PDE7B: variants seen among roughly 807,000 people sequenced by gnomAD.
The protein encoded by PDE7B is 3',5'-cyclic-AMP phosphodiesterase 7B.
In PDE7B, 29 loss-of-function variants were observed where a neutral mutation model predicts 56.2. That is an observed-to-expected ratio of 0.52 (90% CI 0.38 to 0.70). The LOEUF (loss-of-function observed/expected upper bound fraction) is 0.70, where lower values mean the gene tolerates loss of function less well. Ranked by LOEUF, PDE7B falls within the 30% of genes least tolerant of loss-of-function variation. PDE7B has a pLI of 0.00. For synonymous variants in PDE7B, 197 were observed against 196.9 expected (o/e 1.00, Z 0.00); for missense variants, 490 against 565.0 (o/e 0.87, Z 1.35).
intron 2 of PDE7B, among the ~76,000 whole-genome samples, chr6:136,041,991 ATTAC>A (rs1318665748): frequency 6.6e-6 from 1 of 152,198 alleles, no homozygotes; most frequent in Non-Finnish European, 1.5e-5. Context: ...GGCTTTATTG[ATTAC>A]ATGTAGATGG....
At chr6:136,166,994 C>G (rs181182117) in intron 8 of PDE7B, among the ~76,000 whole-genome samples, 7 of 152,200 alleles carry the variant, frequency 4.6e-5, no homozygotes, top group Non-Finnish European at 8.8e-5. Flanking sequence ...TCCCCTCTCT[C>G]GCTGTGCATT....
At chr6:135,911,811 C>CA (rs1321934097) in intron 1 of PDE7B, among the ~76,000 whole-genome samples, 1 of 151,830 alleles carries the variant, frequency 6.6e-6, no homozygotes, top group Admixed American at 6.6e-5. Context: ...AGAGCTAGTA[C>CA]AAAAAAAGTA....
chr6:135,898,386 T>A (rs1211214085), intron 1 of PDE7B, among the ~76,000 whole-genome samples: 1 of 152,158 alleles, frequency 6.6e-6, no homozygotes. Context: ...TTTATAAAAG[T>A]ACCTGTGAAA....
At chr6:136,085,577 G>A (rs1157884870) in intron 2 of PDE7B, among the ~76,000 whole-genome samples, 4 of 152,130 alleles carry the variant, frequency 2.6e-5, no homozygotes, top group African/African-American at 7.2e-5. Flanking sequence ...TTTGGTTGAT[G>A]GAATCAGTTA....
At chr6:136,095,225 C>G (rs533239637) in intron 2 of PDE7B, among the ~76,000 whole-genome samples, 9 of 152,206 alleles carry the variant, frequency 5.9e-5, no homozygotes, top group Non-Finnish European at 1.0e-4. Flanking sequence ...AAATAATGTT[C>G]TTCCCTTTAA....
At chr6:136,038,360 C>CT (rs1444752541) in intron 2 of PDE7B, 2 of 1,291,834 alleles carry the variant, frequency 1.5e-6, no homozygotes, top group Non-Finnish European at 2.0e-6. Context: ...AGAAGGTGTG[C>CT]TGCCCTCCTC....
At chr6:136,150,451 T>C (rs4896200) in intron 5 of PDE7B, among the ~76,000 whole-genome samples, 60,509 of 151,968 alleles carry the variant, frequency 0.4, 12,542 homozygotes, top group East Asian at 0.54. Context: ...CCCAGCACCA[T>C]TTATTGAAGA....
intron 2 of PDE7B, among the ~76,000 whole-genome samples, chr6:136,013,427 A>T (rs1775925871): frequency 6.6e-6 from 1 of 152,194 alleles, no homozygotes; most frequent in African/African-American, 2.4e-5. Context: ...AGCAGTCCTG[A>T]TCCAAAGTGT....
intron 2 of PDE7B, among the ~76,000 whole-genome samples, chr6:136,009,222 GT>G (rs1167730528): frequency 5.8e-4 from 88 of 151,976 alleles, no homozygotes; most frequent in African/African-American, 1.9e-3. Flanking sequence ...GTACCATGCT[GT>G]TTTGGTTACT....
intron 2 of PDE7B, among the ~76,000 whole-genome samples, chr6:135,954,879 G>C (rs139637156): frequency 2.6e-5 from 4 of 152,142 alleles, no homozygotes; most frequent in African/African-American, 9.7e-5. Flanking sequence ...CATTTCCACA[G>C]CAACAGAACA....
At chr6:136,188,291 A>G (rs1025464341) in intron 12 of PDE7B, among the ~76,000 whole-genome samples, 5 of 151,928 alleles carry the variant, frequency 3.3e-5, no homozygotes, top group African/African-American at 9.7e-5. Context: ...TGTCCTTAAT[A>G]TTGTTATGTA....
rs577328990 is a variant in PDE7B, at chr6:136,128,560, CCCA to C, written c.167-18788_167-18786del. Among the ~76,000 whole-genome samples, 121 of 152,078 alleles carry C rather than the reference CCCA, an allele frequency of 8.0e-4. 2 individuals carry two copies. The highest frequency in any genetic ancestry group is 2.7e-3 in the African/African-American group (114 of 41,480). ...ATTTTGTTGTGAGAACTGGGACCCCCCCACCCCTGGGCAAAATTACCAAGTGGA... is the reference window on the plus strand; with the variant it reads ...ATTTTGTTGTGAGAACTGGGACCCCCCCCCTGGGCAAAATTACCAAGTGGA... On this transcript the variant is annotated intron_variant, in intron 3 of 12. Coordinates refer to ENST00000308191, the MANE Select transcript of PDE7B (RefSeq NM_018945.4).
At chr6:136,158,688 G>A (rs1485814813) in intron 8 of PDE7B, among the ~76,000 whole-genome samples, 3 of 152,172 alleles carry the variant, frequency 2.0e-5, no homozygotes, top group Admixed American at 6.5e-5. Context: ...GGACTCACTC[G>A]CTGAACTGCC....
chr6:135,934,318 G>A (rs1774350062), intron 1 of PDE7B, among the ~76,000 whole-genome samples: 1 of 151,950 alleles, frequency 6.6e-6, no homozygotes, highest in South Asian at 2.1e-4. Flanking sequence ...ATAGAATATA[G>A]GTATTCCCTC....
At chr6:135,907,477 T>C (rs911584667) in intron 1 of PDE7B, among the ~76,000 whole-genome samples, 7 of 152,106 alleles carry the variant, frequency 4.6e-5, no homozygotes, top group Admixed American at 3.3e-4. Context: ...ATTATTTGTT[T>C]ATATTTTGTC....
chr6:135,972,276 A>T (rs1775108109), intron 2 of PDE7B, among the ~76,000 whole-genome samples: 1 of 146,040 alleles, frequency 6.8e-6, no homozygotes, highest in South Asian at 2.2e-4. Flanking sequence ...AAAAACAGGG[A>T]TGTGTCTGCT....
rs536777623 is a variant in PDE7B, at chr6:135,904,448, C to T, written c.22-43016C>T. 1.2e-3 allele frequency among the ~76,000 whole-genome samples: 181 copies of T among 152,238 alleles called. 1 individual carries two copies. Among genetic ancestry groups the T allele is most frequent in the African/African-American group, 4.2e-3 (174 of 41,552 alleles). On this transcript the variant is annotated intron_variant, in intron 1 of 12. Coordinates refer to ENST00000308191, the MANE Select transcript of PDE7B (RefSeq NM_018945.4). The stretch of plus-strand genomic sequence containing the variant: ...CTCTTGCAAATTCCATTACCTTCCA[C>T]GCCACCACAACCCCTTGAAAACCCA...
At chr6:136,112,993 G>A (rs563721990) in intron 3 of PDE7B, among the ~76,000 whole-genome samples, 13 of 152,054 alleles carry the variant, frequency 8.5e-5, no homozygotes, top group African/African-American at 3.1e-4. Context: ...AAATTACAAG[G>A]CCAACTGCTT....
At chr6:135,880,096 C>T (rs1312626470) in intron 1 of PDE7B, among the ~76,000 whole-genome samples, 1 of 152,108 alleles carries the variant, frequency 6.6e-6, no homozygotes, top group Non-Finnish European at 1.5e-5. Flanking sequence ...TTTTCATACG[C>T]ATCGTAAAAC....
Sources: allele counts gnomAD v4.1 joint callset (sites outside exome capture counted in the v4.1 genomes callset), GRCh38; gene constraint gnomAD v4.1.1; transcripts MANE v1.5; gene names NCBI Gene and HGNC (gene_info 2026-07-23, HGNC 2026-07-21).